Variants in CTNNA2 observed in about 807,000 individuals in gnomAD.
The protein encoded by CTNNA2 is catenin alpha 2, also known as catenin alpha-2.
CTNNA2 carries 42 observed loss-of-function variants against 101.0 expected under a neutral mutation model. The observed-to-expected ratio is 0.42, with a 90% CI of 0.32 to 0.54. The LOEUF (loss-of-function observed/expected upper bound fraction) is 0.54. Among genes scored for constraint, CTNNA2 ranks in the 20% least tolerant of loss-of-function variants. The pLI is 0.14. For missense variants in CTNNA2, 871 were observed against 1,223.1 expected (o/e 0.71, Z 4.29); for synonymous variants, 450 against 456.4 (o/e 0.99, Z 0.18).
chr2:79,200,107 T>C (rs899953805), intron 2 of CTNNA2, among the ~76,000 whole-genome samples: 1 of 151,932 alleles, frequency 6.6e-6, no homozygotes, highest in African/African-American at 2.4e-5. Flanking sequence ...AGGTATCAGA[T>C]TAAGAAAGTA....
At chr2:80,556,149 CAAT>C (rs1693010020) in intron 12 of CTNNA2, among the ~76,000 whole-genome samples, 1 of 152,070 alleles carries the variant, frequency 6.6e-6, no homozygotes, top group Admixed American at 6.5e-5. Context: ...TTCTCACAAA[CAAT>C]AAAATTTTTC....
intron 9 of CTNNA2, among the ~76,000 whole-genome samples, chr2:80,436,442 G>A (rs566005370): frequency 2.0e-5 from 3 of 151,826 alleles, no homozygotes; most frequent in Non-Finnish European, 4.4e-5. Context: ...GAGATGCTCT[G>A]GGGGGTGGTG....
intron 2 of CTNNA2, among the ~76,000 whole-genome samples, chr2:79,719,802 A>G (rs951849895): frequency 4.6e-5 from 7 of 152,154 alleles, no homozygotes; most frequent in Admixed American, 6.6e-5. Context: ...GACCTTTGTC[A>G]GATGCATAGT....
At chr2:79,697,802 A>G (rs1684737862) in intron 2 of CTNNA2, 1 of 151,920 alleles carries the variant, frequency 6.6e-6, no homozygotes, top group African/African-American at 2.4e-5. Flanking sequence ...TCACTTTCAC[A>G]TATTTTTTTC....
At chr2:79,981,625 A>G (rs528633408) in intron 7 of CTNNA2, among the ~76,000 whole-genome samples, 8 of 152,274 alleles carry the variant, frequency 5.3e-5, no homozygotes, top group African/African-American at 1.9e-4. Flanking sequence ...TACACAATAG[A>G]CTTGCTTTGT....
At chr2:79,693,934 A>C (rs1045131107) in intron 2 of CTNNA2, among the ~76,000 whole-genome samples, 28 of 151,960 alleles carry the variant, frequency 1.8e-4, no homozygotes, top group Non-Finnish European at 3.7e-4. Context: ...CACGGTTATG[A>C]ATATTTTCTT....
At chr2:79,472,661 C>T (rs1194711393) in intron 4 of CTNNA2, among the ~76,000 whole-genome samples, 1 of 152,164 alleles carries the variant, frequency 6.6e-6, no homozygotes, top group South Asian at 2.1e-4. Flanking sequence ...CATTACTAAT[C>T]TCCTTATCAA....
At chr2:80,590,747 G>T (rs2149739713) in intron 15 of CTNNA2, among the ~76,000 whole-genome samples, 1 of 152,166 alleles carries the variant, frequency 6.6e-6, no homozygotes, top group Admixed American at 6.5e-5. Context: ...CTGTTATGAA[G>T]GAGCCCTTTG....
intron 7 of CTNNA2, among the ~76,000 whole-genome samples, chr2:80,226,973 T>A (rs1708922842): frequency 6.6e-6 from 1 of 152,134 alleles, no homozygotes; most frequent in South Asian, 2.1e-4. Context: ...CATGGGTATG[T>A]TATCATGGAT....
At chr2:80,524,357 G>A (rs1559180825) in intron 9 of CTNNA2, among the ~76,000 whole-genome samples, 1 of 152,094 alleles carries the variant, frequency 6.6e-6, no homozygotes, top group Non-Finnish European at 1.5e-5. Flanking sequence ...TTCCTTTTCA[G>A]AAGAATCTGA....
intron 3 of CTNNA2, among the ~76,000 whole-genome samples, chr2:79,758,824 A>G (rs1403400186): frequency 6.6e-6 from 1 of 152,100 alleles, no homozygotes; most frequent in African/African-American, 2.4e-5. Context: ...TAGGTACCAC[A>G]TTTTCTATAT....
At chr2:80,007,390 T>C (rs1392556289) in intron 7 of CTNNA2, among the ~76,000 whole-genome samples, 1 of 152,316 alleles carries the variant, frequency 6.6e-6, no homozygotes. Context: ...TATTTATCCA[T>C]GAGAAGAAAC....
chr2:79,695,290 G>A (rs1684586840), intron 2 of CTNNA2, among the ~76,000 whole-genome samples: 2 of 151,866 alleles, frequency 1.3e-5, no homozygotes, highest in Non-Finnish European at 2.9e-5. Flanking sequence ...TAAATCATTA[G>A]AATCACATTT....
At chr2:80,134,639 C>T (rs1217670825) in intron 7 of CTNNA2, among the ~76,000 whole-genome samples, 1 of 152,148 alleles carries the variant, frequency 6.6e-6, no homozygotes, top group South Asian at 2.1e-4. Context: ...ATGAGGCCAG[C>T]TTTGTCTCTT....
At chr2:80,445,363 G>A (rs1051307259) in intron 9 of CTNNA2, among the ~76,000 whole-genome samples, 1 of 151,752 alleles carries the variant, frequency 6.6e-6, no homozygotes, top group Admixed American at 6.6e-5. Flanking sequence ...TGTATTTTTT[G>A]TAGTGATGGG....
intron 7 of CTNNA2, among the ~76,000 whole-genome samples, chr2:80,098,728 G>A (rs915739397): frequency 5.3e-5 from 8 of 152,092 alleles, no homozygotes; most frequent in South Asian, 2.1e-4. Context: ...CCCCAGCCTC[G>A]CTGCTGCCTT....
At chr2:80,396,773 G>A (rs1413210562) in intron 8 of CTNNA2, among the ~76,000 whole-genome samples, 1 of 152,136 alleles carries the variant, frequency 6.6e-6, no homozygotes, top group African/African-American at 2.4e-5. Context: ...ACATTGCAAT[G>A]TTGCTAAACT....
At chr2:79,745,327 G>T (rs6547270) in intron 3 of CTNNA2, among the ~76,000 whole-genome samples, 3 of 151,620 alleles carry the variant, frequency 2.0e-5, no homozygotes, top group Non-Finnish European at 2.9e-5. Context: ...GCCACTCAGG[G>T]GGCTGAGACA....
intron 2 of CTNNA2, among the ~76,000 whole-genome samples, chr2:79,213,898 C>T (rs914048130): frequency 1.3e-5 from 2 of 152,038 alleles, no homozygotes; most frequent in Admixed American, 1.3e-4. Flanking sequence ...ATTTTTAGGG[C>T]CTCTAAAAGT....
Sources: allele counts gnomAD v4.1 joint callset (sites outside exome capture counted in the v4.1 genomes callset), GRCh38; gene constraint gnomAD v4.1.1; transcripts MANE v1.5; gene names NCBI Gene and HGNC (gene_info 2026-07-23, HGNC 2026-07-21).